The following CCDC3 variants were observed in gnomAD, a reference collection of about 807,000 sequenced individuals.
CCDC3 encodes the protein coiled-coil domain-containing protein 3.
In CCDC3, 24 loss-of-function variants were observed where a neutral mutation model predicts 21.4. The observed-to-expected ratio is 1.12, with a 90% CI of 0.81 to 1.58. CCDC3 has a LOEUF of 1.58. Among genes scored for constraint, CCDC3 ranks in the 40% most tolerant of loss-of-function variants. The pLI is 0.00. For missense variants in CCDC3, 425 were observed against 360.9 expected (o/e 1.18, Z -1.44); for synonymous variants, 186 against 166.0 (o/e 1.12, Z -0.93).
chr10:12,914,149 G>T (rs551110913), intron 2 of CCDC3, among the ~76,000 whole-genome samples: 1 of 152,314 alleles, frequency 6.6e-6, no homozygotes, highest in East Asian at 1.9e-4. Flanking sequence ...AATTTGAGAA[G>T]AATCAGTATA....
chr10:12,993,410 C>T (rs1835708082), intron 2 of CCDC3, among the ~76,000 whole-genome samples: 1 of 152,094 alleles, frequency 6.6e-6, no homozygotes, highest in South Asian at 2.1e-4. Context: ...GGGTAACACC[C>T]CTATCATCCT....
chr10:12,931,980 C>T (rs769256747), intron 2 of CCDC3, among the ~76,000 whole-genome samples: 56 of 152,318 alleles, frequency 3.7e-4, no homozygotes, highest in Non-Finnish European at 6.0e-4. Context: ...ATGTAGATTT[C>T]TCTTGTACCT....
intron 2 of CCDC3, among the ~76,000 whole-genome samples, chr10:12,979,944 A>G (rs1835470942): frequency 6.6e-6 from 1 of 152,206 alleles, no homozygotes. Flanking sequence ...TTAATAGTTT[A>G]ATCATTGAAA....
intron 2 of CCDC3, among the ~76,000 whole-genome samples, chr10:12,918,928 G>A (rs929165258): frequency 1.3e-5 from 2 of 152,122 alleles, no homozygotes; most frequent in African/African-American, 4.8e-5. Flanking sequence ...GGTGGTGGGC[G>A]CCTGTAGTCC....
Position 12,958,328 on chromosome 10 carries a change from T to C in CCDC3, c.549+40010A>G, listed in dbSNP as rs1389008951. Reference sequence around the variant, plus strand: ...TTTCTAGAACTGCAACCTGACACCATGAGGCGACAGACCTAAGAGCCAAGC... The same window carrying C: ...TTTCTAGAACTGCAACCTGACACCACGAGGCGACAGACCTAAGAGCCAAGC... On this transcript the variant is annotated intron_variant, in intron 2 of 2. Coordinates refer to ENST00000378825, the MANE Select transcript of CCDC3 (RefSeq NM_031455.4). Among the ~76,000 whole-genome samples the C allele has an allele frequency of 3.9e-5, 6 of 152,116 alleles. No homozygotes were observed. In the East Asian group the frequency reaches 1.2e-3, roughly 29 times the overall value.
Position 12,998,532 on chromosome 10 carries a change from C to T in CCDC3, c.375-20G>A, listed in dbSNP as rs761565028. On this transcript the variant is annotated intron_variant, in intron 1 of 2. Transcript: ENST00000378825. ...TCCATCCTAATGGAGGAAAAAAAGG[C>T]AGACATGTAGGCTAGACAGTCAAGG... 5 of 1,611,416 alleles carry T rather than the reference C, an allele frequency of 3.1e-6. No individual in the cohort carries two copies. The Admixed American group carries it at 6.7e-5, about 22-fold the overall frequency.
rs1009833812 is a variant in CCDC3, at chr10:12,926,672, C to T, written c.550-27993G>A. On this transcript the variant is annotated intron_variant, in intron 2 of 2. Coordinates refer to ENST00000378825, the MANE Select transcript of CCDC3 (RefSeq NM_031455.4). ...AGTGTACAGAGATTAAAGCAAGACCCAACAACATGCTGTTTACATATACAG... is the reference window on the plus strand; with the variant it reads ...AGTGTACAGAGATTAAAGCAAGACCTAACAACATGCTGTTTACATATACAG... Among the ~76,000 whole-genome samples, 3 of 152,044 alleles carry T rather than the reference C, an allele frequency of 2.0e-5. No individual in the cohort carries two copies. The East Asian group carries it at 5.8e-4, about 29-fold the overall frequency.
intron 2 of CCDC3, among the ~76,000 whole-genome samples, chr10:12,957,635 G>C (rs1271832117): frequency 6.6e-6 from 1 of 152,132 alleles, no homozygotes; most frequent in African/African-American, 2.4e-5. Flanking sequence ...ACGATAGTGA[G>C]AGTTCTCTCG....
chr10:12,925,460 C>A (rs1008321725), intron 2 of CCDC3, among the ~76,000 whole-genome samples: 2 of 152,230 alleles, frequency 1.3e-5, no homozygotes, highest in African/African-American at 4.8e-5. Context: ...TCTCCCCCAG[C>A]GAAGGCAAAC....
intron 2 of CCDC3, among the ~76,000 whole-genome samples, chr10:12,968,222 CACAG>C (rs1372420985): frequency 1.3e-4 from 20 of 149,922 alleles, no homozygotes; most frequent in African/African-American, 4.4e-4. Flanking sequence ...CACACACACA[CACAG>C]AGTATCCTAA....
intron 2 of CCDC3, among the ~76,000 whole-genome samples, chr10:12,982,098 G>A (rs1400582358): frequency 3.7e-5 from 5 of 136,812 alleles, no homozygotes; most frequent in African/African-American, 5.9e-5. Context: ...CTCTAGCCTG[G>A]GAGACAGAGA....
chr10:12,910,594 C>A (rs371486930), intron 2 of CCDC3, among the ~76,000 whole-genome samples: 194 of 91,108 alleles, frequency 2.1e-3, no homozygotes, highest in Middle Eastern at 8.1e-3. Context: ...CTAGTCAGAG[C>A]AAAAAAAAAA....
At chr10:12,975,615 G>C (rs76205417) in intron 2 of CCDC3, among the ~76,000 whole-genome samples, 8,936 of 152,208 alleles carry the variant, frequency 0.059, 372 homozygotes, top group Non-Finnish European at 0.091. Flanking sequence ...TGGACAGAAA[G>C]TGGCCCACCT....
intron 5 of CCDC3, among the ~76,000 whole-genome samples, chr10:13,031,609 A>C (rs918831030): frequency 1.3e-5 from 2 of 152,228 alleles, no homozygotes; most frequent in Non-Finnish European, 2.9e-5. Context: ...CAAGACTAAT[A>C]AAGAAGAGAG....
chr10:13,078,337 G>A (rs1437333324), intron 3 of CCDC3, among the ~76,000 whole-genome samples: 4 of 152,154 alleles, frequency 2.6e-5, no homozygotes, highest in South Asian at 2.1e-4. Context: ...TTAGAATGGT[G>A]ATCATTAAAA....
At chr10:12,978,731 C>T (rs1835454392) in intron 2 of CCDC3, among the ~76,000 whole-genome samples, 1 of 152,194 alleles carries the variant, frequency 6.6e-6, no homozygotes, top group Non-Finnish European at 1.5e-5. Flanking sequence ...GGGGAATCCA[C>T]CCTTCTCTCT....
intron 4 of CCDC3, among the ~76,000 whole-genome samples, chr10:13,066,802 GACCTGGGATTCA>G (rs1564338147): frequency 6.6e-6 from 1 of 152,178 alleles, no homozygotes; most frequent in Non-Finnish European, 1.5e-5. Context: ...CTTGTGTGGT[GACCTGGGATTCA>G]ATCTGTGAGG....
chr10:12,945,644 C>T (rs1834904306), intron 2 of CCDC3, among the ~76,000 whole-genome samples: 1 of 152,108 alleles, frequency 6.6e-6, no homozygotes, highest in Non-Finnish European at 1.5e-5. Context: ...CTAGTCTGCT[C>T]TTAATAAGAT....
At chr10:12,907,240 C>G (rs185712865) in intron 2 of CCDC3, among the ~76,000 whole-genome samples, 61 of 152,252 alleles carry the variant, frequency 4.0e-4, no homozygotes, top group Admixed American at 3.7e-3. Flanking sequence ...GAAATAGAAG[C>G]AAGTCATTTT....
Sources: gnomAD v4.1 joint callset for allele counts (sites outside exome capture counted in the v4.1 genomes callset) on GRCh38, gnomAD v4.1.1 for gene constraint, MANE v1.5 for transcripts, NCBI Gene and HGNC (gene_info 2026-07-23, HGNC 2026-07-21) for gene names.